Variants in WBP1L observed in about 807,000 individuals in gnomAD.
The protein encoded by WBP1L is WW domain binding protein 1-like.
WBP1L carries 17 observed loss-of-function variants against 33.7 expected under a neutral mutation model. The ratio of observed to expected loss-of-function variants is 0.50; its 90% CI spans 0.34 to 0.76. The LOEUF (loss-of-function observed/expected upper bound fraction) is 0.76, where lower values mean the gene tolerates loss of function less well. WBP1L is among the 30% of genes least tolerant of loss of function. WBP1L has a pLI of 0.01. For missense variants in WBP1L, 389 were observed against 469.4 expected, an observed-to-expected ratio of 0.83 and a Z score of 1.58; for synonymous variants, 173 against 190.8, an observed-to-expected ratio of 0.91 and a Z score of 0.77.
chr10:102,809,127 G>T (rs948519921), intron 2 of WBP1L, among the ~76,000 whole-genome samples: 8 of 152,240 alleles, frequency 5.3e-5, no homozygotes, highest in Non-Finnish European at 1.2e-4. Flanking sequence ...ACCCAGGCTG[G>T]AGTGCAATGG....
Position 102,812,677 on chromosome 10 carries a change from C to T in WBP1L, c.438C>T (p.Phe146=). 6.2e-7 allele frequency: 1 copy of T among 1,613,768 alleles called. No homozygotes were observed. The highest frequency in any genetic ancestry group is 8.5e-7 in the Non-Finnish European group (1 of 1,179,872). ...CTCCTCCCCCACCATACAGTGCCTT[C>T]CAGCTACAGCAGCAGCAGCTGCTGC... ...PPTPPPPYSA[F]QLQQQQLLPP... is the part of the protein sequence containing the mutation. The change falls in exon 4 of 4, where the codon TTC becomes TTT. Residue 146 remains phenylalanine (F), a synonymous_variant. Coordinates refer to ENST00000448841, the MANE Select transcript of WBP1L (RefSeq NM_001083913.2).
At chr10:102,773,927 TTG>T (rs1468698210) in intron 1 of WBP1L, among the ~76,000 whole-genome samples, 1 of 151,710 alleles carries the variant, frequency 6.6e-6, no homozygotes, top group African/African-American at 2.4e-5. Context: ...GCAAGGTTTA[TTG>T]TGTGTTTTGG....
chr10:102,786,488 C>A (rs1564763333), intron 1 of WBP1L, among the ~76,000 whole-genome samples: 1 of 152,194 alleles, frequency 6.6e-6, no homozygotes, highest in Non-Finnish European at 1.5e-5. Context: ...CCTAGAGGGT[C>A]TCAGTCTATC....
intron 1 of WBP1L, among the ~76,000 whole-genome samples, chr10:102,777,203 G>A (rs1843276631): frequency 6.6e-6 from 1 of 152,128 alleles, no homozygotes; most frequent in Non-Finnish European, 1.5e-5. Flanking sequence ...TCGTCTGAGA[G>A]GCATGTCTGT....
chr10:102,798,815 C>T (rs1843610910), intron 2 of WBP1L, among the ~76,000 whole-genome samples: 1 of 152,200 alleles, frequency 6.6e-6, no homozygotes, highest in Non-Finnish European at 1.5e-5. Context: ...CTTGTAAGGA[C>T]CACAGGGGCT....
Position 102,802,016 on chromosome 10 carries a change from C to T in WBP1L, c.193+3921C>T, listed in dbSNP as rs1344067372. The stretch of plus-strand genomic sequence containing the variant: ...CACCCTGCCACCCCTCCCCCACCTT[C>T]CCACCCTTCCCCCCACCCTCCCCTC... On this transcript the variant is annotated intron_variant, in intron 2 of 3. Coordinates refer to ENST00000448841, the MANE Select transcript of WBP1L (RefSeq NM_001083913.2). 6.5e-5 allele frequency among the ~76,000 whole-genome samples: 4 copies of T among 61,906 alleles called. No individual in the cohort carries two copies. In the South Asian group the frequency reaches 3.9e-3, roughly 61 times the overall value. 40.6% of individuals were successfully genotyped at this position (61,906 alleles called of 152,430 possible).
intron 1 of WBP1L, among the ~76,000 whole-genome samples, chr10:102,792,084 G>A (rs1843507940): frequency 6.6e-6 from 1 of 152,204 alleles, no homozygotes; most frequent in South Asian, 2.1e-4. Flanking sequence ...AAGGCATACT[G>A]TTTATCCTTT....
At chr10:102,804,923 C>T (rs949335415) in intron 2 of WBP1L, among the ~76,000 whole-genome samples, 7 of 152,144 alleles carry the variant, frequency 4.6e-5, no homozygotes, top group African/African-American at 1.4e-4. Context: ...ACTTGGCAAA[C>T]ATGAAAACCA....
At chr10:102,754,508 C>T (rs1400174156) in intron 1 of WBP1L, among the ~76,000 whole-genome samples, 1 of 152,124 alleles carries the variant, frequency 6.6e-6, no homozygotes, top group African/African-American at 2.4e-5. Context: ...AAGCGATTCT[C>T]CTGCCTCAGC....
intron 1 of WBP1L, among the ~76,000 whole-genome samples, chr10:102,770,171 C>G (rs1412386991): frequency 1.3e-5 from 2 of 152,220 alleles, no homozygotes. Flanking sequence ...GCCTCACACC[C>G]ATGACATGAA....
intron 1 of WBP1L, among the ~76,000 whole-genome samples, chr10:102,791,435 G>A (rs1284161741): frequency 2.6e-5 from 4 of 152,140 alleles, no homozygotes. Flanking sequence ...ATAGTGCCTG[G>A]CACATGGTTG....
intron 2 of WBP1L, among the ~76,000 whole-genome samples, chr10:102,798,830 G>C (rs1416380730): frequency 6.6e-6 from 1 of 152,230 alleles, no homozygotes; most frequent in Admixed American, 6.5e-5. Context: ...GGGGCTTCCA[G>C]AATTTCCCAT....
intron 1 of WBP1L, among the ~76,000 whole-genome samples, chr10:102,773,418 G>A (rs541104246): frequency 1.3e-5 from 2 of 152,142 alleles, no homozygotes; most frequent in East Asian, 1.9e-4. Flanking sequence ...AAAAATAGAC[G>A]AATGCTGATT....
intron 1 of WBP1L, among the ~76,000 whole-genome samples, chr10:102,748,272 A>G (rs1266971691): frequency 6.6e-6 from 1 of 150,850 alleles, no homozygotes. Flanking sequence ...AAAAAAAACC[A>G]AACAAACAAA....
chr10:102,801,466 A>G (rs1194348312), intron 2 of WBP1L, among the ~76,000 whole-genome samples: 2 of 152,222 alleles, frequency 1.3e-5, no homozygotes, highest in East Asian at 3.9e-4. Context: ...ACAAGTTCCT[A>G]GTTGATGCTG....
At chr10:102,783,618 G>A (rs1356903054) in intron 1 of WBP1L, among the ~76,000 whole-genome samples, 2 of 152,248 alleles carry the variant, frequency 1.3e-5, no homozygotes, top group African/African-American at 4.8e-5. Context: ...TCTAAACTGG[G>A]ACAGTTTTGC....
chr10:102,778,498 A>G (rs1290385933), intron 1 of WBP1L, among the ~76,000 whole-genome samples: 2 of 152,158 alleles, frequency 1.3e-5, no homozygotes, highest in South Asian at 2.1e-4. Flanking sequence ...AAGGGTTGGG[A>G]TGGTTGTTTT....
rs776987670 is a variant in WBP1L at position 102,812,911 on chromosome 10, G to C, written c.672G>C (p.Leu224=). 6 of 1,583,586 alleles carry C rather than the reference G, an allele frequency of 3.8e-6. No homozygotes were observed. The highest frequency in any genetic ancestry group is 1.7e-4 in the Middle Eastern group (1 of 5,900). Residue 224 remains leucine (L), a synonymous_variant, in exon 4 of 4, where the codon CTG becomes CTC. Transcript: ENST00000448841. Reference sequence around the variant, plus strand: ...AGCCCAGTGGCTCTGTGGCTGGCCTGGGGGAGCTGGACCCGGGGGCCTTCC... The same window carrying C: ...AGCCCAGTGGCTCTGTGGCTGGCCTCGGGGAGCTGGACCCGGGGGCCTTCC... ...GMEPSGSVAG[L]GELDPGAFLD...
rs541942060 is a variant in WBP1L, at chr10:102,765,331, C to G, written c.90+21188C>G. Among the ~76,000 whole-genome samples the G allele has an allele frequency of 4.9e-3, 741 of 152,272 alleles. 9 individuals carry two copies. The highest frequency in any genetic ancestry group is 0.023 in the Admixed American group (358 of 15,290). Reference sequence around the variant, plus strand: ...TGCAGCCTCAACCTCCCTGGACACTCAGTTGATCCTCCTACCTCACCCTCC... The same window carrying G: ...TGCAGCCTCAACCTCCCTGGACACTGAGTTGATCCTCCTACCTCACCCTCC... On this transcript the variant is annotated intron_variant, in intron 1 of 3. Transcript: ENST00000448841.
Sources: gnomAD v4.1 joint callset for allele counts (sites outside exome capture counted in the v4.1 genomes callset) on GRCh38, gnomAD v4.1.1 for gene constraint, MANE v1.5 for transcripts, NCBI Gene and HGNC (gene_info 2026-07-23, HGNC 2026-07-21) for gene names.